The following ALMS1 variants were observed in gnomAD, a reference collection of about 807,000 sequenced individuals.
ALMS1 encodes ALMS1 centrosome and basal body associated protein, also known as centrosome-associated protein ALMS1.
In ALMS1, 271 loss-of-function variants were observed where a neutral mutation model predicts 352.2. The observed-to-expected ratio is 0.77, with a 90% confidence interval of 0.70 to 0.85. The LOEUF is 0.85. Ranked by LOEUF, ALMS1 falls within the 40% of genes least tolerant of loss-of-function variation. The pLI, the probability that ALMS1 is intolerant of heterozygous loss-of-function variation, is 0.00. For synonymous variants in ALMS1, 1,865 were observed against 1,761.2 expected (o/e 1.06, Z -1.48); for missense variants, 5,445 against 4,870.7 (o/e 1.12, Z -3.51).
At chr2:73,437,120 T>C (rs1021845591) in intron 7 of ALMS1, among the ~76,000 whole-genome samples, 4 of 152,208 alleles carry the variant, frequency 2.6e-5, no homozygotes, top group Non-Finnish European at 5.9e-5. Context: ...TTTTTGTCAG[T>C]GTCCTTAGGC....
At chr2:73,426,003 G>A (rs541850900) in intron 5 of ALMS1, among the ~76,000 whole-genome samples, 41 of 152,286 alleles carry the variant, frequency 2.7e-4, no homozygotes, top group African/African-American at 8.7e-4. Flanking sequence ...CTTTATTTCA[G>A]TGTGATATAG....
chr2:73,465,565 G>A (rs191375560), intron 9 of ALMS1, among the ~76,000 whole-genome samples: 16 of 152,252 alleles, frequency 1.1e-4, no homozygotes, highest in African/African-American at 3.9e-4. Flanking sequence ...TACCATTCAG[G>A]ACATAGGCAT....
chr2:73,596,495 G>A (rs114379425), intron 16 of ALMS1, among the ~76,000 whole-genome samples: 6,121 of 144,996 alleles, frequency 0.042, 296 homozygotes, highest in Admixed American at 0.1. Context: ...TTCTTAAGAC[G>A]GAGTCTCACT....
Position 73,490,420 on chromosome 2 carries a change from C to G in ALMS1, c.8461C>G (p.His2821Asp). ...PLERSDFTGSHSEPSTRANCS... is the reference protein window; with the variant it reads ...PLERSDFTGSDSEPSTRANCS... ...AGAAAGATCAGATTTTACAGGCAGT[C>G]ATTCTGAGCCCAGTACCAGGGCAAA... Residue 2821 changes from histidine (H) to aspartate (D), a missense_variant, in exon 10 of 23, where the codon CAT (histidine) becomes GAT (aspartate). Physicochemically the swap from His to Asp is moderately conservative, Grantham distance 81 (BLOSUM62 -1). Transcript: ENST00000613296. The G allele has an allele frequency of 2.5e-6, 4 of 1,614,130 alleles. No homozygotes were observed. Among genetic ancestry groups the G allele is most frequent in the Non-Finnish European group, 3.4e-6 (4 of 1,180,024 alleles).
chr2:73,449,799 C>T lies in ALMS1; in HGVS notation c.3272C>T (p.Ala1091Val), dbSNP rs1402063104. ...GCTGACCAGATGACTGACACACCAG[C>T]AGTACCGTCTACTTTCTACTCACAA... ...GPADQMTDTP[A>V]VPSTFYSQRE... The change falls in exon 8 of 23, where the codon GCA (alanine) becomes GTA (valine). Residue 1091 changes from alanine (A) to valine (V), a missense_variant. Transcript: ENST00000613296. 3 of 1,613,992 alleles carry T rather than the reference C, an allele frequency of 1.9e-6. No individual in the cohort carries two copies. Among genetic ancestry groups the T allele is most frequent in the Non-Finnish European group, 2.5e-6 (3 of 1,179,984 alleles).
chr2:73,594,400 G>C (rs554636638), intron 16 of ALMS1, among the ~76,000 whole-genome samples: 24 of 152,270 alleles, frequency 1.6e-4, no homozygotes, highest in African/African-American at 5.8e-4. Context: ...ACATTCCAAG[G>C]CTCCTCATAT....
intron 7 of ALMS1, among the ~76,000 whole-genome samples, chr2:73,438,024 T>C (rs1233144101): frequency 2.0e-5 from 3 of 152,196 alleles, no homozygotes; most frequent in Non-Finnish European, 2.9e-5. Flanking sequence ...TCTGTTCCCA[T>C]GTACAATCCC....
intron 2 of ALMS1, among the ~76,000 whole-genome samples, chr2:73,414,473 G>GTTTTTTTTTTTTTTTTTTTTTTTTTTTT (rs61660489): frequency 4.5e-5 from 3 of 66,416 alleles, no homozygotes; most frequent in Admixed American, 2.0e-4. Flanking sequence ...CTTTTTTTCC[G>GTTTTTTTTTTTTTTTTTTTTTTTTTTTT]TTTTTTTTTT....
chr2:73,601,956 C>T (rs747078733), intron 19 of ALMS1, among the ~76,000 whole-genome samples: 11 of 152,224 alleles, frequency 7.2e-5, no homozygotes, highest in Non-Finnish European at 1.3e-4. Flanking sequence ...TCGCCATAGT[C>T]TTAGTTCCTG....
chr2:73,539,320 G>A (rs1674107473), intron 12 of ALMS1, among the ~76,000 whole-genome samples: 1 of 152,044 alleles, frequency 6.6e-6, no homozygotes, highest in African/African-American at 2.4e-5. Context: ...TGCAGCTGAG[G>A]GTCCTGACTG....
intron 7 of ALMS1, among the ~76,000 whole-genome samples, chr2:73,445,666 T>C (rs1671798275): frequency 6.6e-6 from 1 of 152,126 alleles, no homozygotes; most frequent in Non-Finnish European, 1.5e-5. Flanking sequence ...TCTGTGTTAC[T>C]AAGCACCTTA....
intron 13 of ALMS1, 71 bp downstream of exon 13, chr2:73,550,508 A>C: frequency 2.5e-6 from 4 of 1,569,394 alleles, no homozygotes; most frequent in Non-Finnish European, 3.5e-6. Flanking sequence ...TTACTATCCA[A>C]TCTTTATCCT....
chr2:73,437,700 CTGTA>C (rs538406043), intron 7 of ALMS1, among the ~76,000 whole-genome samples: 139 of 152,274 alleles, frequency 9.1e-4, no homozygotes, highest in South Asian at 2.9e-3. Flanking sequence ...TAGTATTGTG[CTGTA>C]TGGGCTGACA....
chr2:73,429,942 A>G (rs1040368526), intron 6 of ALMS1, among the ~76,000 whole-genome samples: 5 of 152,090 alleles, frequency 3.3e-5, no homozygotes, highest in African/African-American at 1.2e-4. Flanking sequence ...TTGATTAAAC[A>G]TTGGGAAGAT....
chr2:73,389,951 T>G (rs533946055), intron 1 of ALMS1, among the ~76,000 whole-genome samples: 12 of 152,280 alleles, frequency 7.9e-5, no homozygotes, highest in African/African-American at 2.6e-4. Context: ...CCTCCCAAAG[T>G]GTTGGGATTA....
At chr2:73,522,758 C>T (rs377301661) in intron 11 of ALMS1, among the ~76,000 whole-genome samples, 7 of 152,282 alleles carry the variant, frequency 4.6e-5, no homozygotes, top group African/African-American at 7.2e-5. Context: ...TGAGCCACTG[C>T]GCCTGGCCAA....
rs182966357 is a variant in ALMS1 at position 73,419,937 on chromosome 2, A to G, written c.646+619A>G. On this transcript the variant is annotated intron_variant, in intron 3 of 22. Transcript: ENST00000613296. ...TGTAGAGAAGCATGAATAGAACTTA[A>G]TTCAGCAAGTTCTTTGCCAACATAA... Among the ~76,000 whole-genome samples, 178 of 152,334 alleles carry G rather than the reference A, an allele frequency of 1.2e-3. 1 individual carries two copies. The highest frequency in any genetic ancestry group is 3.5e-3 in the African/African-American group (145 of 41,592).
intron 10 of ALMS1, among the ~76,000 whole-genome samples, chr2:73,506,765 C>T (rs1424421092): frequency 6.6e-6 from 1 of 152,122 alleles, no homozygotes; most frequent in African/African-American, 2.4e-5. Flanking sequence ...TTTGAATACC[C>T]TTTATTTCTT....
At chr2:73,485,261 T>C (rs972731106) in intron 9 of ALMS1, among the ~76,000 whole-genome samples, 2 of 152,226 alleles carry the variant, frequency 1.3e-5, no homozygotes, top group Non-Finnish European at 2.9e-5. Context: ...TTGGTGTGGA[T>C]GTCCTTTCTA....
Sources: gnomAD v4.1 joint callset for allele counts (sites outside exome capture counted in the v4.1 genomes callset) on GRCh38, gnomAD v4.1.1 for gene constraint, MANE v1.5 for transcripts, NCBI Gene and HGNC (gene_info 2026-07-23, HGNC 2026-07-21) for gene names.